Variants in CHCHD4 observed in about 807,000 individuals in gnomAD.
CHCHD4 encodes the protein coiled-coil-helix-coiled-coil-helix domain containing 4, also known as mitochondrial intermembrane space import and assembly protein 40.
CHCHD4 carries 7 observed loss-of-function variants against 12.4 expected under a neutral mutation model. The observed-to-expected ratio is 0.57, with a 90% CI of 0.32 to 1.06. The LOEUF (loss-of-function observed/expected upper bound fraction) is 1.06, where lower values mean the gene tolerates loss of function less well. CHCHD4 is among the 50% of genes least tolerant of loss of function. The pLI, the probability that CHCHD4 is intolerant of heterozygous loss-of-function variation, is 0.04. For missense variants in CHCHD4, 143 were observed against 175.1 expected (o/e 0.82, Z 1.03); for synonymous variants, 56 against 58.0 (o/e 0.97, Z 0.16).
intron 2 of CHCHD4, among the ~76,000 whole-genome samples, chr3:14,116,100 G>A (rs1369591519): frequency 6.6e-6 from 1 of 152,198 alleles, no homozygotes; most frequent in East Asian, 1.9e-4. Flanking sequence ...TGCTAATAAA[G>A]TTGGTAGATG....
intron 1 of CHCHD4, among the ~76,000 whole-genome samples, chr3:14,118,866 T>G (rs1205910137): frequency 1.3e-5 from 2 of 152,188 alleles, no homozygotes; most frequent in African/African-American, 4.8e-5. Context: ...GGCAGTTTTG[T>G]TTACCGAGAT....
At chr3:14,123,762 G>A (rs1054618428) in intron 1 of CHCHD4, among the ~76,000 whole-genome samples, 6 of 152,222 alleles carry the variant, frequency 3.9e-5, no homozygotes, top group Admixed American at 2.0e-4. Context: ...GGATACCAGG[G>A]CCTGGAGGGG....
In CHCHD4 at chr3:14,124,870, T is replaced by G; in HGVS notation, c.-194A>C. 1.5e-6 allele frequency: 1 copy of G among 669,146 alleles called. No homozygotes were observed. Among genetic ancestry groups the G allele is most frequent in the Non-Finnish European group, 2.6e-6 (1 of 390,468 alleles). The allele number at this position is 669,146 out of a possible 1,614,324, so 41.5% of individuals were successfully genotyped here. A position where few individuals can be genotyped will look rare whatever the true frequency, so the allele number is the denominator to read the frequency against. On this transcript the variant is annotated 5_prime_UTR_variant, in exon 1 of 3. Transcript: ENST00000396914. Reference sequence around the variant, plus strand: ...GGCCAGGCCAACCTCAGCCGGAAACTACATTTCCCAGCAGGTCGCGCGCTC... The same window carrying G: ...GGCCAGGCCAACCTCAGCCGGAAACGACATTTCCCAGCAGGTCGCGCGCTC...
At position 14,113,132 on chromosome 3, in the gene CHCHD4, C is replaced by T. The variant is rs777353604; in HGVS notation, c.184G>A (p.Gly62Ser). The T allele has an allele frequency of 6.8e-6, 11 of 1,613,844 alleles. No individual in the cohort carries two copies. Among genetic ancestry groups the T allele is most frequent in the South Asian group, 3.3e-5 (3 of 91,052 alleles). ...NCPCLGGMASGPCGEQFKSAF... is the reference protein window; with the variant it reads ...NCPCLGGMASSPCGEQFKSAF... ...GACTTAAACTGTTCTCCACAGGGAC[C>T]GCTGGCCATTCCCCCAAGGCATGGG... The change falls in exon 3 of 3, where the codon GGT becomes AGT. Residue 62 changes from glycine (G) to serine (S), a missense_variant. Coordinates refer to ENST00000396914, the MANE Select transcript of CHCHD4 (RefSeq NM_001098502.2).
chr3:14,118,093 C>T (rs532808014), intron 1 of CHCHD4, among the ~76,000 whole-genome samples: 1 of 152,328 alleles, frequency 6.6e-6, no homozygotes, highest in Non-Finnish European at 1.5e-5. Flanking sequence ...ACAAATTCTA[C>T]AGACCAACTG....
At chr3:14,115,515 A>G (rs1694868204) in intron 2 of CHCHD4, among the ~76,000 whole-genome samples, 2 of 152,246 alleles carry the variant, frequency 1.3e-5, no homozygotes, top group Non-Finnish European at 2.9e-5. Context: ...CTTTCTCAGA[A>G]TGCTAACACT....
rs749928083 is a variant in CHCHD4, at chr3:14,113,329, G to A, written c.122-135C>T. The A allele has an allele frequency of 8.6e-6, 6 of 699,186 alleles. No homozygotes were observed. In the African/African-American group the frequency reaches 9.0e-5, roughly 11 times the overall value. The allele number at this position is 699,186 out of a possible 1,614,324, so 43.3% of individuals were successfully genotyped here. A position where few individuals can be genotyped will look rare whatever the true frequency, so the allele number is the denominator to read the frequency against. On this transcript the variant is annotated intron_variant, in intron 2 of 2. Coordinates refer to ENST00000396914, the MANE Select transcript of CHCHD4 (RefSeq NM_001098502.2). ...GGACCCACACCTCGATTTGGATTAG[G>A]TTTAAAGCCTAGCACATATCCAGCA...
chr3:14,122,179 G>T, intron 1 of CHCHD4: 1 of 1,464,224 alleles, frequency 6.8e-7, no homozygotes, highest in Non-Finnish European at 9.0e-7. Context: ...TTAAAAGGAT[G>T]TCTGAAGCCT....
intron 1 of CHCHD4, among the ~76,000 whole-genome samples, chr3:14,119,712 C>G (rs1204278776): frequency 6.6e-6 from 1 of 152,194 alleles, no homozygotes; most frequent in Non-Finnish European, 1.5e-5. Context: ...CTACCTTAAA[C>G]CCTCTGGTGC....
At chr3:14,118,465 C>G (rs1309900427) in intron 1 of CHCHD4, among the ~76,000 whole-genome samples, 1 of 152,218 alleles carries the variant, frequency 6.6e-6, no homozygotes, top group South Asian at 2.1e-4. Flanking sequence ...AAAAACCGAG[C>G]GACATCTCCA....
At chr3:14,122,225 TA>T in intron 1 of CHCHD4, 1 of 1,206,560 alleles carries the variant, frequency 8.3e-7, no homozygotes. Flanking sequence ...AGCCTTTCAC[TA>T]AACGATCATA....
At chr3:14,121,976 A>G (rs1399056777) in intron 1 of CHCHD4, 2 of 1,614,006 alleles carry the variant, frequency 1.2e-6, no homozygotes, top group African/African-American at 2.7e-5. Context: ...CGACACAGGC[A>G]TCCAGTGGAG....
At chr3:14,123,752 G>A (rs145271216) in intron 1 of CHCHD4, among the ~76,000 whole-genome samples, 12 of 152,316 alleles carry the variant, frequency 7.9e-5, no homozygotes, top group African/African-American at 2.6e-4. Flanking sequence ...TTACAACACT[G>A]GATACCAGGG....
At chr3:14,123,436 AGT>A (rs1434877400) in intron 1 of CHCHD4, among the ~76,000 whole-genome samples, 1 of 152,214 alleles carries the variant, frequency 6.6e-6, no homozygotes, top group Non-Finnish European at 1.5e-5. Flanking sequence ...CTCATTAAAG[AGT>A]GAGTCTTATG....
intron 1 of CHCHD4, among the ~76,000 whole-genome samples, chr3:14,119,572 A>G (rs1694911434): frequency 6.6e-6 from 1 of 152,268 alleles, no homozygotes; most frequent in Admixed American, 6.5e-5. Flanking sequence ...ACAATCAGCT[A>G]GACTAGTAGT....
intron 1 of CHCHD4, among the ~76,000 whole-genome samples, chr3:14,118,528 A>G (rs886702800): frequency 7.2e-5 from 11 of 152,332 alleles, no homozygotes; most frequent in Middle Eastern, 6.8e-3. Flanking sequence ...GCCTTACGCC[A>G]TGCCCACACT....
At chr3:14,121,061 C>G (rs1461214726) in intron 1 of CHCHD4, among the ~76,000 whole-genome samples, 1 of 152,172 alleles carries the variant, frequency 6.6e-6, no homozygotes, top group Non-Finnish European at 1.5e-5. Flanking sequence ...CATATCCCCC[C>G]AAGACTGCTT....
At chr3:14,120,316 A>C (rs960342732) in intron 1 of CHCHD4, among the ~76,000 whole-genome samples, 4 of 152,118 alleles carry the variant, frequency 2.6e-5, no homozygotes, top group African/African-American at 9.7e-5. Context: ...CGATCTTCAA[A>C]TACATCCAGA....
In CHCHD4 at chr3:14,113,194, C is replaced by T; in HGVS notation, c.122G>A (p.Gly41Glu). The T allele has an allele frequency of 6.3e-7, 1 of 1,598,728 alleles. No individual in the cohort carries two copies. Among genetic ancestry groups the T allele is most frequent in the Non-Finnish European group, 8.5e-7 (1 of 1,171,678 alleles). The change falls in exon 3 of 3, where the codon GGA becomes GAA. Residue 41 changes from glycine (G) to glutamate (E), a missense_variant and splice_region_variant. Physicochemically the swap from Gly to Glu is moderately conservative, Grantham distance 98. Transcript: ENST00000396914. ...DDPNDPYEEHGLILPNGNINW... is the reference protein window; with the variant it reads ...DDPNDPYEEHELILPNGNINW... Reference sequence around the variant, plus strand: ...AATGTTTCCATTTGGCAGTATCAATCCTAGAACAGGAAGATAGAGAGATGT... The same window carrying T: ...AATGTTTCCATTTGGCAGTATCAATTCTAGAACAGGAAGATAGAGAGATGT...
Sources: gnomAD v4.1 joint callset for allele counts (sites outside exome capture counted in the v4.1 genomes callset) on GRCh38, gnomAD v4.1.1 for gene constraint, MANE v1.5 for transcripts, NCBI Gene and HGNC (gene_info 2026-07-23, HGNC 2026-07-21) for gene names.